Variants in GNS observed in about 807,000 individuals in gnomAD.
The protein encoded by GNS is N-acetylglucosamine-6-sulfatase.
GNS carries 40 observed loss-of-function variants against 69.7 expected under a neutral mutation model. The ratio of observed to expected loss-of-function variants is 0.57; its 90% CI spans 0.45 to 0.75. The LOEUF (loss-of-function observed/expected upper bound fraction) is 0.75. GNS is among the 30% of genes least tolerant of loss of function. GNS has a pLI of 0.00. For missense variants in GNS, 565 were observed against 685.5 expected (o/e 0.82, Z 1.96); for synonymous variants, 243 against 251.6 (o/e 0.97, Z 0.32).
chr12:64,717,619 TC>T (rs1868907168), intron 13 of GNS, among the ~76,000 whole-genome samples: 1 of 151,430 alleles, frequency 6.6e-6, no homozygotes, highest in East Asian at 1.9e-4. Flanking sequence ...CGCCTTGGTC[TC>T]CCGAAGTGCT....
chr12:64,753,832 T>C (rs918769668), intron 1 of GNS, among the ~76,000 whole-genome samples: 2 of 152,098 alleles, frequency 1.3e-5, no homozygotes, highest in African/African-American at 2.4e-5. Context: ...CAAGAGACGC[T>C]AGAGAAGCAG....
Position 64,737,053 on chromosome 12 carries a change from A to C in GNS, c.1049T>G (p.Val350Gly). Residue 350 changes from valine (V) to glycine (G), a missense_variant, in exon 9 of 14, where the codon GTT (valine) becomes GGT (glycine). Physicochemically the swap from Val to Gly is moderately radical, Grantham distance 109 (BLOSUM62 -3). This residue lies in a region of GNS where 384 missense variants were observed against 511.0 expected (regional missense o/e 0.75). Coordinates refer to ENST00000258145, the MANE Select transcript of GNS (RefSeq NM_002076.4). ...KRQLYEFDIK[V>G]PLLVRGPGIK... Reference sequence around the variant, plus strand: ...CCCAGGTCCTCGAACCAACAGTGGAACTTTGATATCAAACTCATACAGCTG... The same window carrying C: ...CCCAGGTCCTCGAACCAACAGTGGACCTTTGATATCAAACTCATACAGCTG... 1 of 1,604,866 alleles carries C rather than the reference A, an allele frequency of 6.2e-7. No homozygotes were observed. The highest frequency in any genetic ancestry group is 8.5e-7 in the Non-Finnish European group (1 of 1,171,514).
chr12:64,729,168 A>G (rs1869307199), intron 9 of GNS, 111 bp from the exon 10 acceptor site: 1 of 718,266 alleles, frequency 1.4e-6, no homozygotes, highest in African/African-American at 1.7e-5. Flanking sequence ...CAGCACTATT[A>G]CCTTTTATAC....
At chr12:64,727,037 G>A (rs1805391740) in intron 10 of GNS, among the ~76,000 whole-genome samples, 1 of 151,954 alleles carries the variant, frequency 6.6e-6, no homozygotes, top group Non-Finnish European at 1.5e-5. Context: ...AGTCAGCAGG[G>A]AAATACAAAT....
At position 64,748,417 on chromosome 12, in the gene GNS, C is replaced by T. The variant is rs180700829; in HGVS notation, c.253-499G>A. Among the ~76,000 whole-genome samples the T allele has an allele frequency of 2.8e-3, 426 of 151,716 alleles. 2 individuals are homozygous for T. Among genetic ancestry groups the T allele is most frequent in the African/African-American group, 9.7e-3 (401 of 41,314 alleles). On this transcript the variant is annotated intron_variant, in intron 2 of 13. Coordinates refer to ENST00000258145, the MANE Select transcript of GNS (RefSeq NM_002076.4). ...GAGATAACGTTCTTCCTGTGTTGTC[C>T]AGACTTGCCTCAAATTCCTGGATTC... is the stretch of plus-strand genomic sequence containing the variant.
rs1365770233 is a variant in GNS at position 64,740,667 on chromosome 12, G to T, written c.814C>A (p.Gln272Lys). 2 of 1,576,864 alleles carry T rather than the reference G, an allele frequency of 1.3e-6. No homozygotes were observed. Among genetic ancestry groups the T allele is most frequent in the South Asian group, 2.2e-5 (2 of 90,326 alleles). ...HGTNKHWLIR[Q>K]AKTPMTNSSI... The stretch of plus-strand genomic sequence containing the variant: ...GAATTAGTCATTGGAGTCTTGGCTT[G>T]CCTAATTAACCAGTGCTTGTTCTAA... Residue 272 changes from glutamine to lysine, a missense_variant, in exon 7 of 14, where the codon CAA becomes AAA. Coordinates refer to ENST00000258145, the MANE Select transcript of GNS (RefSeq NM_002076.4).
At chr12:64,734,938 T>TAAAACA (rs535748542) in intron 9 of GNS, among the ~76,000 whole-genome samples, 1 of 151,850 alleles carries the variant, frequency 6.6e-6, no homozygotes, top group Non-Finnish European at 1.5e-5. Flanking sequence ...CCATCTCTAC[T>TAAAACA]AAAACAAAAA....
At chr12:64,734,915 A>C (rs1869515296) in intron 9 of GNS, among the ~76,000 whole-genome samples, 1 of 152,138 alleles carries the variant, frequency 6.6e-6, no homozygotes, top group Admixed American at 6.5e-5. Context: ...ATCCTGGCTA[A>C]CACGGTGAAA....
intron 1 of GNS, among the ~76,000 whole-genome samples, chr12:64,753,379 C>T (rs374009948): frequency 6.6e-6 from 1 of 152,148 alleles, no homozygotes; most frequent in Non-Finnish European, 1.5e-5. Flanking sequence ...ATCTTTTGTT[C>T]AAAATCTAAG....
At chr12:64,753,049 G>A in intron 1 of GNS, 1 of 426,712 alleles carries the variant, frequency 2.3e-6, no homozygotes, top group Non-Finnish European at 4.2e-6. Flanking sequence ...AGGCAGATAG[G>A]GCAGACCTAT....
intron 5 of GNS, among the ~76,000 whole-genome samples, chr12:64,744,378 G>T (rs190915024): frequency 6.6e-6 from 1 of 152,270 alleles, no homozygotes. Context: ...AATTTCACCT[G>T]CTTTCAGTAA....
At chr12:64,759,055 A>C in intron 1 of GNS, 30 bp downstream of exon 1, 1 of 1,526,522 alleles carries the variant, frequency 6.6e-7, no homozygotes, top group Non-Finnish European at 8.9e-7. Context: ...CCCAAGAGAT[A>C]GAGGGGCGGG....
At chr12:64,756,736 AT>A in intron 1 of GNS, 1 of 1,503,462 alleles carries the variant, frequency 6.7e-7, no homozygotes, top group Non-Finnish European at 8.9e-7. Flanking sequence ...CTGTTTGACA[AT>A]TAGTGGTAGA....
rs1018443824 is a variant in GNS at position 64,759,178 on chromosome 12, G to A, written c.99C>T (p.Gly33=). Residue 33 remains glycine, a synonymous_variant, in exon 1 of 14, where the codon GGC becomes GGT. Coordinates refer to ENST00000258145, the MANE Select transcript of GNS (RefSeq NM_002076.4). ...CAGCCACCCCGAAGACCCCCAGGCA[G>A]CCGCCCAGCACCAGCAGTAGCAGCG... ...SPALLLLVLG[G]CLGVFGVAAG... is the part of the protein sequence containing the mutation. 6.4e-7 allele frequency: 1 copy of A among 1,551,294 alleles called. No individual in the cohort carries two copies. The highest frequency in any genetic ancestry group is 8.7e-7 in the Non-Finnish European group (1 of 1,147,758).
chr12:64,732,173 T>G (rs796642794), intron 9 of GNS, among the ~76,000 whole-genome samples: 2 of 112,364 alleles, frequency 1.8e-5, no homozygotes, highest in African/African-American at 6.8e-5. Flanking sequence ...TTTGTTGTTT[T>G]TTTTTTTTTT....
At position 64,744,971 on chromosome 12, in the gene GNS, G is replaced by C. The variant is rs562574652; in HGVS notation, c.526-64C>G. 25 of 780,914 alleles carry C rather than the reference G, an allele frequency of 3.2e-5. No individual in the cohort carries two copies. In the South Asian group the frequency reaches 3.3e-4, roughly 10 times the overall value. The allele number at this position is 780,914 out of a possible 1,614,324, so 48.4% of individuals were successfully genotyped here. ...GTGCACAAAGTGGAAGTCTGAATCCGTGCTGGGCTAAACTCTACTCTGAGC... is the reference window on the plus strand; with the variant it reads ...GTGCACAAAGTGGAAGTCTGAATCCCTGCTGGGCTAAACTCTACTCTGAGC... On this transcript the variant is annotated intron_variant, in intron 4 of 13. Transcript: ENST00000258145.
chr12:64,758,410 C>T (rs1870342024), intron 1 of GNS, among the ~76,000 whole-genome samples: 1 of 149,368 alleles, frequency 6.7e-6, no homozygotes, highest in Admixed American at 6.7e-5. Flanking sequence ...GCAACTGCTG[C>T]CTCCCGGGTT....
At chr12:64,752,892 A>G in intron 1 of GNS, 135 bp from the exon 2 acceptor site, 1 of 676,712 alleles carries the variant, frequency 1.5e-6, no homozygotes, top group East Asian at 2.7e-5. Context: ...AGCCAAAGAG[A>G]GTCTTGTATG....
intron 10 of GNS, among the ~76,000 whole-genome samples, chr12:64,728,303 G>A (rs1449842796): frequency 6.6e-6 from 1 of 152,218 alleles, no homozygotes; most frequent in Non-Finnish European, 1.5e-5. Flanking sequence ...TAAACAAACA[G>A]ATGCACAGTA....
Sources: gnomAD v4.1 joint callset for allele counts (sites outside exome capture counted in the v4.1 genomes callset) on GRCh38, gnomAD v4.1.1 for gene constraint, gnomAD v4.1.1 regional missense constraint, MANE v1.5 for transcripts, NCBI Gene and HGNC (gene_info 2026-07-23, HGNC 2026-07-21) for gene names.